Variants in NTRK2 observed in about 807,000 individuals in gnomAD.
NTRK2 encodes the protein BDNF/NT-3 growth factors receptor.
Under a neutral mutation model 94.5 loss-of-function variants are expected in NTRK2, and 13 were observed. The observed-to-expected ratio is 0.14, with a 90% confidence interval of 0.09 to 0.22. The LOEUF (loss-of-function observed/expected upper bound fraction) is 0.22. Ranked by LOEUF, NTRK2 falls within the 10% of genes least tolerant of loss-of-function variation. The pLI, the probability that NTRK2 is intolerant of heterozygous loss-of-function variation, is 1.00. For missense variants in NTRK2, 639 were observed against 1,071.2 expected, an observed-to-expected ratio of 0.60 and a Z score of 5.63; for synonymous variants, 372 against 407.4, an observed-to-expected ratio of 0.91 and a Z score of 1.05.
chr9:84,919,382 T>C (rs576784782), intron 14 of NTRK2, among the ~76,000 whole-genome samples: 2 of 152,350 alleles, frequency 1.3e-5, no homozygotes, highest in East Asian at 3.9e-4. Flanking sequence ...ATGAACTTTT[T>C]GCTTTCTTGA....
intron 12 of NTRK2, among the ~76,000 whole-genome samples, chr9:84,825,457 C>T (rs1372810222): frequency 2.0e-5 from 3 of 152,186 alleles, no homozygotes; most frequent in Non-Finnish European, 4.4e-5. Context: ...GCCTACTCCA[C>T]TTGGTTTGAC....
At chr9:84,881,349 G>A (rs867851481) in intron 14 of NTRK2, among the ~76,000 whole-genome samples, 1 of 152,208 alleles carries the variant, frequency 6.6e-6, no homozygotes, top group Non-Finnish European at 1.5e-5. Flanking sequence ...GTATGTCTCT[G>A]TTGGATGATG....
intron 12 of NTRK2, among the ~76,000 whole-genome samples, chr9:84,795,690 G>A (rs997704642): frequency 2.0e-5 from 3 of 152,124 alleles, no homozygotes; most frequent in Non-Finnish European, 2.9e-5. Flanking sequence ...CATCCTCAGC[G>A]TCTAACTCAC....
chr9:85,014,799 C>G (rs1161295335), intron 17 of NTRK2, among the ~76,000 whole-genome samples: 1 of 152,176 alleles, frequency 6.6e-6, no homozygotes, highest in Non-Finnish European at 1.5e-5. Flanking sequence ...AAAGAATGTT[C>G]AGGCCTGGGT....
chr9:84,932,910 G>A (rs997531823), intron 14 of NTRK2, among the ~76,000 whole-genome samples: 7 of 152,136 alleles, frequency 4.6e-5, no homozygotes, highest in African/African-American at 1.7e-4. Flanking sequence ...CTCATGTTTA[G>A]TACAGTTTAC....
intron 12 of NTRK2, among the ~76,000 whole-genome samples, chr9:84,770,854 C>T (rs1234421672): frequency 1.3e-5 from 2 of 152,150 alleles, no homozygotes; most frequent in Non-Finnish European, 2.9e-5. Flanking sequence ...GGTAGAACCA[C>T]AATACAAGCC....
At chr9:84,953,920 G>A (rs920218652) in intron 16 of NTRK2, among the ~76,000 whole-genome samples, 2 of 152,320 alleles carry the variant, frequency 1.3e-5, no homozygotes, top group African/African-American at 4.8e-5. Flanking sequence ...AATGATTCCC[G>A]AAATCAAAGG....
At chr9:84,807,525 G>A (rs1457029635) in intron 12 of NTRK2, among the ~76,000 whole-genome samples, 1 of 152,158 alleles carries the variant, frequency 6.6e-6, no homozygotes, top group Non-Finnish European at 1.5e-5. Context: ...TAAAGGAGCT[G>A]GTCTCACGGT....
At chr9:85,010,547 A>G (rs1831451208) in intron 17 of NTRK2, among the ~76,000 whole-genome samples, 1 of 152,230 alleles carries the variant, frequency 6.6e-6, no homozygotes, top group Non-Finnish European at 1.5e-5. Context: ...TGTAAACACA[A>G]TAACCTCACA....
chr9:84,758,285 A>T (rs1015511129), intron 12 of NTRK2, among the ~76,000 whole-genome samples: 1 of 152,044 alleles, frequency 6.6e-6, no homozygotes, highest in Non-Finnish European at 1.5e-5. Context: ...GCTTAGGAAG[A>T]TCTTTCCTGC....
chr9:84,806,198 C>T (rs1388350192), intron 12 of NTRK2, among the ~76,000 whole-genome samples: 1 of 152,070 alleles, frequency 6.6e-6, no homozygotes, highest in Non-Finnish European at 1.5e-5. Flanking sequence ...GGAGGGAAAT[C>T]AAAATAAAAT....
intron 13 of NTRK2, 147 bp downstream of exon 13, chr9:84,861,234 GAATTTTTCCAGAA>G: frequency 1.5e-6 from 1 of 671,514 alleles, no homozygotes; most frequent in Non-Finnish European, 2.6e-6. Flanking sequence ...AGTAGGTCTA[GAATTTTTCCAGAA>G]AAGGCATTAC....
chr9:84,724,400 T>G (rs78162291), intron 8 of NTRK2, 44 bp downstream of exon 8: 4 of 1,613,038 alleles, frequency 2.5e-6, no homozygotes, highest in Non-Finnish European at 3.4e-6. Flanking sequence ...CAAATGATCA[T>G]GGACGTACCT....
In NTRK2 at chr9:85,023,272, A is replaced by G. The variant is rs201561146; in HGVS notation, c.*1835A>G. 70 of 233,024 alleles carry G rather than the reference A, an allele frequency of 3.0e-4. No individual in the cohort carries two copies. In the East Asian group the frequency reaches 3.6e-3, roughly 12 times the overall value. 14.4% of individuals were successfully genotyped at this position (233,024 alleles called of 1,614,324 possible). ...GAATTTTGCTAAACTTGACATCTTT[A>G]TAACATGAGCCAGATTGAAAGGGAG... On this transcript the variant is annotated 3_prime_UTR_variant, in exon 19 of 19. Transcript: ENST00000277120.
At chr9:84,913,855 T>G (rs2132511353) in intron 14 of NTRK2, among the ~76,000 whole-genome samples, 3 of 148,620 alleles carry the variant, frequency 2.0e-5, no homozygotes, top group African/African-American at 7.7e-5. Context: ...CTGCTATTTT[T>G]CAACTTTATT....
chr9:84,843,077 G>A (rs1169661088), intron 12 of NTRK2, among the ~76,000 whole-genome samples: 2 of 152,146 alleles, frequency 1.3e-5, no homozygotes, highest in African/African-American at 4.8e-5. Context: ...GTAGGAATGG[G>A]GGGTCATAGC....
intron 6 of NTRK2, among the ~76,000 whole-genome samples, chr9:84,715,993 A>G (rs886249717): frequency 6.6e-6 from 1 of 152,180 alleles, no homozygotes; most frequent in African/African-American, 2.4e-5. Context: ...GCTCTGTCTT[A>G]AGTTGATGGC....
chr9:84,854,310 T>C (rs1180451304), intron 12 of NTRK2, among the ~76,000 whole-genome samples: 1 of 152,084 alleles, frequency 6.6e-6, no homozygotes, highest in East Asian at 1.9e-4. Context: ...ATGTATCCAT[T>C]ACAGACTTCC....
At chr9:84,841,574 C>A (rs2074186972) in intron 12 of NTRK2, among the ~76,000 whole-genome samples, 1 of 152,216 alleles carries the variant, frequency 6.6e-6, no homozygotes, top group East Asian at 1.9e-4. Context: ...CTCCCTCTTT[C>A]TGGAATGTTT....
Sources: gnomAD v4.1 joint callset for allele counts (sites outside exome capture counted in the v4.1 genomes callset) on GRCh38, gnomAD v4.1.1 for gene constraint, MANE v1.5 for transcripts, NCBI Gene and HGNC (gene_info 2026-07-23, HGNC 2026-07-21) for gene names.